Variants in PXDN observed in about 807,000 individuals in gnomAD.
PXDN encodes peroxidasin.
PXDN carries 77 observed loss-of-function variants against 140.3 expected under a neutral mutation model. The ratio of observed to expected loss-of-function variants is 0.55; its 90% CI spans 0.46 to 0.66. The LOEUF (loss-of-function observed/expected upper bound fraction) is 0.66, where lower values mean the gene tolerates loss of function less well. PXDN is among the 30% of genes least tolerant of loss of function. The probability of loss-of-function intolerance (pLI) is 0.00; values close to 1 mark genes in which losing one functional copy is unlikely to be tolerated. For synonymous variants in PXDN, 911 were observed against 857.4 expected (o/e 1.06, Z -1.09); for missense variants, 1,838 against 2,039.5 (o/e 0.90, Z 1.90).
At chr2:1,722,646 T>C (rs1363690037) in intron 1 of PXDN, among the ~76,000 whole-genome samples, 1 of 152,266 alleles carries the variant, frequency 6.6e-6, no homozygotes, top group Non-Finnish European at 1.5e-5. Context: ...CAGTGCATTC[T>C]GAACTTAGGA....
intron 14 of PXDN, among the ~76,000 whole-genome samples, chr2:1,656,024 C>G (rs533644018): frequency 6.6e-6 from 1 of 151,758 alleles, no homozygotes; most frequent in Admixed American, 6.6e-5. Context: ...CACACAGATA[C>G]ACACTACACA....
chr2:1,634,008 C>G lies in PXDN; in HGVS notation c.*196G>C. The G allele has an allele frequency of 1.5e-6, 1 of 678,160 alleles. No individual in the cohort carries two copies. The highest frequency in any genetic ancestry group is 3.0e-5 in the East Asian group (1 of 32,974). 42.0% of individuals were successfully genotyped at this position (678,160 alleles called of 1,614,324 possible). A position where few individuals can be genotyped will look rare whatever the true frequency, so the allele number is the denominator to read the frequency against. On this transcript the variant is annotated 3_prime_UTR_variant, in exon 23 of 23. Transcript: ENST00000252804. ...CTCCTGCCTGCTTCCCTTCAGGCAC[C>G]TGCTGTGCCTCCTTCTCCGCAGATG...
intron 12 of PXDN, among the ~76,000 whole-genome samples, chr2:1,662,492 A>G (rs1294554439): frequency 6.6e-6 from 1 of 152,148 alleles, no homozygotes; most frequent in African/African-American, 2.4e-5. Flanking sequence ...CATGTCCTCC[A>G]GCCCCCAGTC....
chr2:1,644,071 C>CAAAAAAAAAA (rs74164529), intron 18 of PXDN, among the ~76,000 whole-genome samples: 1 of 38,440 alleles, frequency 2.6e-5, no homozygotes, highest in African/African-American at 1.2e-4. Context: ...GACTCTGTCT[C>CAAAAAAAAAA]AAAAAAAAAA....
chr2:1,644,071 CAAAAAAAAAAAAAAAAA>C (rs74164529), intron 18 of PXDN, among the ~76,000 whole-genome samples: 3 of 38,450 alleles, frequency 7.8e-5, no homozygotes, highest in Admixed American at 4.9e-4. Context: ...GACTCTGTCT[CAAAAAAAAAAAAAAAAA>C]AAAAAAAAAA....
At chr2:1,692,113 C>T (rs1419292072) in intron 2 of PXDN, 114 bp from the exon 3 acceptor site, 2 of 750,886 alleles carry the variant, frequency 2.7e-6, no homozygotes, top group Non-Finnish European at 4.3e-6. Context: ...CAGTTACAGC[C>T]TCGCCATCAA....
chr2:1,681,509 G>A (rs1683904433), intron 6 of PXDN, among the ~76,000 whole-genome samples: 1 of 150,860 alleles, frequency 6.6e-6, no homozygotes, highest in Non-Finnish European at 1.5e-5. Context: ...ATCCCGAGAG[G>A]TGCTCACCAG....
In PXDN at chr2:1,648,363, G is replaced by A. The variant is rs762168694; in HGVS notation, c.3417C>T (p.Leu1139=). Reference sequence around the variant, plus strand: ...GTGCCATGGAGAACAGCCGCTCCGTGAGCTCCGTGTTCAGCAGCTGCGAGG... The same window carrying A: ...GTGCCATGGAGAACAGCCGCTCCGTAAGCTCCGTGTTCAGCAGCTGCGAGG... ...RVPSQLLNTE[L]TERLFSMAHT... The change falls in exon 17 of 23, where the codon CTC becomes CTT. Residue 1139 remains leucine (L), a synonymous_variant. Coordinates refer to ENST00000252804, the MANE Select transcript of PXDN (RefSeq NM_012293.3). The surrounding 1 kb of genome is among the most constrained non-coding windows in gnomAD (Gnocchi z 8.9). The A allele has an allele frequency of 1.2e-6, 2 of 1,613,578 alleles. No individual in the cohort carries two copies. Among genetic ancestry groups the A allele is most frequent in the Non-Finnish European group, 1.7e-6 (2 of 1,179,906 alleles).
chr2:1,658,020 G>C (rs1193773512), intron 14 of PXDN, among the ~76,000 whole-genome samples: 2 of 102,170 alleles, frequency 2.0e-5, no homozygotes, highest in Non-Finnish European at 3.6e-5. Flanking sequence ...CTCCATTTCA[G>C]CTGTGGGCTC....
rs1195671739 is a variant in PXDN, at chr2:1,651,737, C to T, written c.2104+1891G>A. On this transcript the variant is annotated intron_variant, in intron 16 of 22. Transcript: ENST00000252804. The surrounding 1 kb of genome is among the most constrained non-coding windows in gnomAD (Gnocchi z 4.4). ...ACGTGTCACCTTCGCCCATGGGGAA[C>T]AGCACCCCATCCCAGCCAGGGCACC... is the stretch of plus-strand genomic sequence containing the variant. 6.6e-6 allele frequency among the ~76,000 whole-genome samples: 1 copy of T among 152,218 alleles called. No individual in the cohort carries two copies. Among genetic ancestry groups the T allele is most frequent in the Non-Finnish European group, 1.5e-5 (1 of 68,036 alleles).
chr2:1,694,627 C>G (rs958963834), intron 1 of PXDN, among the ~76,000 whole-genome samples: 1 of 152,236 alleles, frequency 6.6e-6, no homozygotes, highest in East Asian at 1.9e-4. Flanking sequence ...CACCCTCCCC[C>G]TGCACCGCCA....
chr2:1,658,079 T>TCCCTCCCC (rs1683204735), intron 14 of PXDN, among the ~76,000 whole-genome samples: 1 of 65,092 alleles, frequency 1.5e-5, no homozygotes, highest in African/African-American at 5.5e-5. Flanking sequence ...TCTCTCTCTC[T>TCCCTCCCC]CTCTCTCTCT....
At chr2:1,669,957 T>C (rs978528106) in intron 9 of PXDN, 2 of 152,238 alleles carry the variant, frequency 1.3e-5, no homozygotes, top group Non-Finnish European at 2.9e-5. Context: ...TATTTTTTCA[T>C]AACTTATTTG....
Position 1,744,407 on chromosome 2 carries a change from C to G in PXDN, c.49G>C (p.Val17Leu), listed in dbSNP as rs866075760. 2 of 1,513,030 alleles carry G rather than the reference C, an allele frequency of 1.3e-6. No individual in the cohort carries two copies. Among genetic ancestry groups the G allele is most frequent in the Middle Eastern group, 2.2e-4 (1 of 4,594 alleles). The allele number at this position is 1,513,030 out of a possible 1,614,324, so 93.7% of individuals were successfully genotyped here. A position where few individuals can be genotyped will look rare whatever the true frequency, so the allele number is the denominator to read the frequency against. The change falls in exon 1 of 23, where the codon GTG (valine) becomes CTG (leucine). Residue 17 changes from valine (V) to leucine (L), a missense_variant. This residue lies in a region of PXDN where 231 missense variants were observed against 201.5 expected (regional missense o/e 1.15). Coordinates refer to ENST00000252804, the MANE Select transcript of PXDN (RefSeq NM_012293.3). ...GPGRRCLLAL[V>L]LFCAWGTLAV... ...AGCGTCCCCCAGGCGCAGAACAGCACGAGCGCCAACAGGCAGCGGCGCCCG... is the reference window on the plus strand; with the variant it reads ...AGCGTCCCCCAGGCGCAGAACAGCAGGAGCGCCAACAGGCAGCGGCGCCCG...
chr2:1,677,226 G>C (rs569510225), intron 7 of PXDN, among the ~76,000 whole-genome samples, 182 bp from the exon 8 acceptor site: 2 of 152,196 alleles, frequency 1.3e-5, no homozygotes, highest in Non-Finnish European at 2.9e-5. Context: ...TCTATGGTGC[G>C]GATCTACATG....
Position 1,664,944 on chromosome 2 carries a change from G to C in PXDN, c.1408+14C>G, listed in dbSNP as rs757935871. 3.8e-6 allele frequency: 6 copies of C among 1,576,052 alleles called. No homozygotes were observed. The highest frequency in any genetic ancestry group is 1.3e-5 in the African/African-American group (1 of 74,090). On this transcript the variant is annotated intron_variant, in intron 11 of 22. Coordinates refer to ENST00000252804, the MANE Select transcript of PXDN (RefSeq NM_012293.3). Reference sequence around the variant, plus strand: ...CCGCGGAGGGAGCAGGCAAAGGGCCGGCCTGGGTCTTACCTCCCTTGGTCC... The same window carrying C: ...CCGCGGAGGGAGCAGGCAAAGGGCCCGCCTGGGTCTTACCTCCCTTGGTCC...
intron 1 of PXDN, among the ~76,000 whole-genome samples, chr2:1,729,762 C>G (rs1415754658): frequency 6.6e-6 from 1 of 152,146 alleles, no homozygotes; most frequent in East Asian, 1.9e-4. Context: ...ACAATCTAGA[C>G]AGACACACAC....
Position 1,640,025 on chromosome 2 carries a change from G to A in PXDN, c.3953-603C>T, listed in dbSNP as rs13012515. On this transcript the variant is annotated intron_variant, in intron 19 of 22. Coordinates refer to ENST00000252804, the MANE Select transcript of PXDN (RefSeq NM_012293.3). ...GGGTGAGTGAGGGGCCCTCAGTGCCGTGTCCCTCCTGGTCCCCGGGTGAGT... is the reference window on the plus strand; with the variant it reads ...GGGTGAGTGAGGGGCCCTCAGTGCCATGTCCCTCCTGGTCCCCGGGTGAGT... Among the ~76,000 whole-genome samples the A allele has an allele frequency of 1.8e-4, 24 of 134,562 alleles. 4 individuals carry two copies. Among genetic ancestry groups the A allele is most frequent in the Admixed American group, 6.8e-4 (9 of 13,178 alleles). 88.3% of individuals were successfully genotyped at this position (134,562 alleles called of 152,430 possible).
intron 1 of PXDN, among the ~76,000 whole-genome samples, chr2:1,709,825 G>A (rs978253721): frequency 2.0e-5 from 3 of 152,194 alleles, no homozygotes; most frequent in Non-Finnish European, 2.9e-5. Flanking sequence ...ACCATGTGAG[G>A]ACACAGAGAG....
Sources: gnomAD v4.1 joint callset for allele counts (sites outside exome capture counted in the v4.1 genomes callset) on GRCh38, gnomAD v4.1.1 for gene constraint, gnomAD v4.1.1 regional missense constraint, Gnocchi (gnomAD v3.1) non-coding constraint, MANE v1.5 for transcripts, NCBI Gene and HGNC (gene_info 2026-07-23, HGNC 2026-07-21) for gene names.